SH3GL3: variants seen among roughly 807,000 people sequenced by gnomAD.
SH3GL3 encodes endophilin-A3.
SH3GL3 carries 33 observed loss-of-function variants against 47.7 expected under a neutral mutation model. The ratio of observed to expected loss-of-function variants is 0.69; its 90% CI spans 0.52 to 0.92. SH3GL3 has a LOEUF of 0.92. SH3GL3 is among the 40% of genes least tolerant of loss of function. SH3GL3 has a pLI of 0.00. For synonymous variants in SH3GL3, 155 were observed against 148.8 expected (o/e 1.04, Z -0.30); for missense variants, 363 against 417.8 (o/e 0.87, Z 1.14).
chr15:83,574,303 A>G (rs2059614073), intron 5 of SH3GL3, among the ~76,000 whole-genome samples: 6 of 152,106 alleles, frequency 3.9e-5, no homozygotes, highest in Admixed American at 3.9e-4. Flanking sequence ...GAGCTCCCTA[A>G]ACATCCCATT....
At chr15:83,471,716 G>T (rs2040837296) in intron 1 of SH3GL3, among the ~76,000 whole-genome samples, 2 of 152,130 alleles carry the variant, frequency 1.3e-5, no homozygotes, top group Non-Finnish European at 2.9e-5. Context: ...GATTAAATTT[G>T]TCTACAGTGT....
downstream of SH3GL3, among the ~76,000 whole-genome samples, chr15:83,621,051 C>T (rs889077410): frequency 6.6e-6 from 1 of 152,174 alleles, no homozygotes; most frequent in East Asian, 1.9e-4. Context: ...AGCTTTCTCA[C>T]CTCTCTCAAC....
At chr15:83,491,988 T>G (rs905926289) in intron 1 of SH3GL3, among the ~76,000 whole-genome samples, 1 of 152,090 alleles carries the variant, frequency 6.6e-6, no homozygotes, top group African/African-American at 2.4e-5. Context: ...CTTCCAACTA[T>G]TTATAGAAAG....
chr15:83,614,494 GCCAGCTGAGTCT>G (rs1419598609), intron 8 of SH3GL3, among the ~76,000 whole-genome samples: 1 of 152,078 alleles, frequency 6.6e-6, no homozygotes, highest in Non-Finnish European at 1.5e-5. Context: ...CTCTTTCCTC[GCCAGCTGAGTCT>G]CTTTAACCTT....
chr15:83,519,836 A>G (rs972184247), intron 1 of SH3GL3, among the ~76,000 whole-genome samples: 1 of 152,196 alleles, frequency 6.6e-6, no homozygotes, highest in African/African-American at 2.4e-5. Flanking sequence ...TTTCAATCCC[A>G]GATTATGAAG....
intron 1 of SH3GL3, among the ~76,000 whole-genome samples, chr15:83,545,765 G>A (rs1021806078): frequency 1.1e-4 from 16 of 152,196 alleles, no homozygotes; most frequent in African/African-American, 3.6e-4. Flanking sequence ...CAGTAACTCT[G>A]AGTCTTGCAG....
intron 1 of SH3GL3, among the ~76,000 whole-genome samples, chr15:83,473,798 G>C (rs1223127466): frequency 1.3e-5 from 2 of 151,208 alleles, no homozygotes; most frequent in Non-Finnish European, 2.9e-5. Flanking sequence ...CTGCCCGCCT[G>C]GGCCTCCCAA....
chr15:83,496,457 C>A (rs574691509), intron 1 of SH3GL3, among the ~76,000 whole-genome samples: 2 of 151,786 alleles, frequency 1.3e-5, no homozygotes, highest in African/African-American at 4.8e-5. Context: ...CTTGTGATAA[C>A]CATTTGGAGT....
At chr15:83,606,464 A>G (rs560251018) in intron 8 of SH3GL3, among the ~76,000 whole-genome samples, 1 of 152,318 alleles carries the variant, frequency 6.6e-6, no homozygotes, top group South Asian at 2.1e-4. Flanking sequence ...TTTAACCTAC[A>G]TTTCCGAAGA....
At chr15:83,521,495 A>G (rs1211451850) in intron 1 of SH3GL3, among the ~76,000 whole-genome samples, 1 of 152,180 alleles carries the variant, frequency 6.6e-6, no homozygotes, top group East Asian at 1.9e-4. Context: ...AGGAGATACC[A>G]CAGCGCTCCT....
intron 1 of SH3GL3, among the ~76,000 whole-genome samples, chr15:83,551,449 G>A (rs1488086573): frequency 1.3e-5 from 2 of 152,196 alleles, no homozygotes; most frequent in African/African-American, 4.8e-5. Flanking sequence ...GTTTGAAGCT[G>A]AAGAAGGTAA....
At chr15:83,509,603 G>T (rs1331511073) in intron 1 of SH3GL3, among the ~76,000 whole-genome samples, 3 of 152,074 alleles carry the variant, frequency 2.0e-5, no homozygotes, top group African/African-American at 7.2e-5. Context: ...TACCAGGTTG[G>T]TCAGTACTGG....
At chr15:83,578,051 G>A (rs1388742020) in intron 6 of SH3GL3, among the ~76,000 whole-genome samples, 3 of 151,536 alleles carry the variant, frequency 2.0e-5, no homozygotes, top group Non-Finnish European at 4.4e-5. Flanking sequence ...AATTGTGAAG[G>A]TCTCGGATCT....
At chr15:83,449,573 T>C (rs2039633334) in intron 1 of SH3GL3, among the ~76,000 whole-genome samples, 1 of 152,256 alleles carries the variant, frequency 6.6e-6, no homozygotes. Flanking sequence ...TAAGTTGGTT[T>C]CTGACAGTAA....
At chr15:83,472,126 C>T (rs185766933) in intron 1 of SH3GL3, among the ~76,000 whole-genome samples, 12 of 152,334 alleles carry the variant, frequency 7.9e-5, no homozygotes, top group South Asian at 2.1e-4. Flanking sequence ...TCAGGTGATC[C>T]GCCTGCCTCA....
At chr15:83,579,666 A>C (rs2059781553) in intron 6 of SH3GL3, among the ~76,000 whole-genome samples, 1 of 152,130 alleles carries the variant, frequency 6.6e-6, no homozygotes, top group African/African-American at 2.4e-5. Flanking sequence ...CCCCATGATA[A>C]AGAGGCTAAG....
chr15:83,518,514 GT>G (rs745417661), intron 1 of SH3GL3, among the ~76,000 whole-genome samples: 1 of 151,998 alleles, frequency 6.6e-6, no homozygotes, highest in Non-Finnish European at 1.5e-5. Flanking sequence ...TTTTTTGCAT[GT>G]TTTTGGTTGC....
intron 1 of SH3GL3, among the ~76,000 whole-genome samples, chr15:83,456,828 C>T (rs2040009936): frequency 6.6e-6 from 1 of 152,116 alleles, no homozygotes; most frequent in African/African-American, 2.4e-5. Context: ...CATCTTGGCT[C>T]CTCCCCTCAG....
At chr15:83,633,450 G>A in the SH3GL3 span, among the ~76,000 whole-genome samples, 10 of 151,960 alleles carry the variant, frequency 6.6e-5, no homozygotes, top group Non-Finnish European at 1.0e-4. Context: ...GCTATCTAAC[G>A]ATGTGCTTAG....
Sources: gnomAD v4.1 joint callset for allele counts (sites outside exome capture counted in the v4.1 genomes callset) on GRCh38, gnomAD v4.1.1 for gene constraint, MANE v1.5 for transcripts, NCBI Gene and HGNC (gene_info 2026-07-23, HGNC 2026-07-21) for gene names.